The following FNDC3A variants were observed in gnomAD, a reference collection of about 807,000 sequenced individuals.
The protein encoded by FNDC3A is fibronectin type-III domain-containing protein 3A.
A neutral mutation model predicts 148.9 loss-of-function variants in FNDC3A; 32 were observed. The ratio of observed to expected loss-of-function variants is 0.21; its 90% CI spans 0.16 to 0.29. The LOEUF (loss-of-function observed/expected upper bound fraction) is 0.29. FNDC3A is among the 10% of genes least tolerant of loss of function. The pLI is 1.00. For missense variants in FNDC3A, 1,191 were observed against 1,452.8 expected, an observed-to-expected ratio of 0.82 and a Z score of 2.93; for synonymous variants, 472 against 473.6, an observed-to-expected ratio of 1.00 and a Z score of 0.04.
chr13:49,185,667 C>T lies in FNDC3A; in HGVS notation c.1618-297C>T, dbSNP rs1250053951. 2.0e-5 allele frequency among the ~76,000 whole-genome samples: 3 copies of T among 152,270 alleles called. No individual in the cohort carries two copies. The East Asian group carries it at 5.8e-4, about 29-fold the overall frequency. On this transcript the variant is annotated intron_variant, in intron 14 of 25. Coordinates refer to ENST00000492622, the MANE Select transcript of FNDC3A (RefSeq NM_001079673.2). ...GAAGAAACAAAGCAAGCCTAAAGCC[C>T]ATGAAGAATCACCAGATTATAGCTT...
chr13:49,008,176 A>G (rs1241572835), intron 2 of FNDC3A, among the ~76,000 whole-genome samples: 1 of 152,208 alleles, frequency 6.6e-6, no homozygotes, highest in East Asian at 1.9e-4. Flanking sequence ...TTCAATAAAT[A>G]GAGATAGTTA....
intron 2 of FNDC3A, among the ~76,000 whole-genome samples, chr13:49,009,722 C>T (rs114797148): frequency 0.019 from 2,846 of 152,272 alleles, 94 homozygotes; most frequent in African/African-American, 0.063. Flanking sequence ...TCTCTAGTGC[C>T]ACCATCTAAA....
chr13:49,149,036 T>G (rs1050388564), intron 8 of FNDC3A, among the ~76,000 whole-genome samples: 2 of 152,182 alleles, frequency 1.3e-5, no homozygotes, highest in African/African-American at 2.4e-5. Flanking sequence ...ATGATGCTGA[T>G]TTTTGTATTT....
chr13:49,185,159 GA>G (rs1241368466), intron 14 of FNDC3A, among the ~76,000 whole-genome samples: 1 of 152,008 alleles, frequency 6.6e-6, no homozygotes, highest in Admixed American at 6.6e-5. Flanking sequence ...CAGTAGAGGA[GA>G]AAATGTAACA....
intron 2 of FNDC3A, among the ~76,000 whole-genome samples, chr13:49,021,720 T>G (rs1163861340): frequency 1.3e-5 from 2 of 152,180 alleles, no homozygotes; most frequent in African/African-American, 4.8e-5. Context: ...TTTTGACGAT[T>G]TACGCCTGTG....
intron 2 of FNDC3A, among the ~76,000 whole-genome samples, chr13:49,074,368 A>G (rs904895662): frequency 2.0e-5 from 3 of 152,186 alleles, no homozygotes; most frequent in African/African-American, 7.2e-5. Flanking sequence ...GAGTTACTTC[A>G]TGAAGTAGTA....
intron 2 of FNDC3A, among the ~76,000 whole-genome samples, chr13:49,039,903 T>C (rs1874792456): frequency 6.6e-6 from 1 of 152,074 alleles, no homozygotes. Context: ...TGGTAAAGAC[T>C]AGGTTTCATC....
chr13:49,168,260 A>G (rs1477195127), intron 9 of FNDC3A, among the ~76,000 whole-genome samples: 1 of 152,206 alleles, frequency 6.6e-6, no homozygotes, highest in Non-Finnish European at 1.5e-5. Context: ...GTCACATTTA[A>G]TCATGAATTT....
chr13:49,012,348 C>T (rs1952366805), intron 2 of FNDC3A, among the ~76,000 whole-genome samples: 1 of 151,970 alleles, frequency 6.6e-6, no homozygotes, highest in Non-Finnish European at 1.5e-5. Context: ...CTCCTGACCT[C>T]GTGATCTGCC....
intron 2 of FNDC3A, among the ~76,000 whole-genome samples, chr13:49,027,032 A>G (rs553126735): frequency 1.4e-4 from 22 of 152,134 alleles, no homozygotes; most frequent in African/African-American, 5.1e-4. Flanking sequence ...TTTTTTAGAG[A>G]AAGAATGAGT....
At chr13:48,993,639 A>AAGTGTTTAGGGGTGAAGTATAC (rs1951963871) in intron 1 of FNDC3A, among the ~76,000 whole-genome samples, 1 of 152,154 alleles carries the variant, frequency 6.6e-6, no homozygotes, top group Non-Finnish European at 1.5e-5. Context: ...ACACATGCAA[A>AAGTGTTTAGGGGTGAAGTATAC]AGTGTTTAGG....
chr13:49,009,449 A>C (rs1024515319), intron 2 of FNDC3A, among the ~76,000 whole-genome samples: 3 of 152,236 alleles, frequency 2.0e-5, no homozygotes, highest in Non-Finnish European at 2.9e-5. Flanking sequence ...TTGAGTGTAC[A>C]TAAGTTTTAA....
chr13:49,196,080 CAAAAAAA>C (rs71076070), intron 19 of FNDC3A, among the ~76,000 whole-genome samples: 11,178 of 71,540 alleles, frequency 0.16, 637 homozygotes, highest in Admixed American at 0.29. Context: ...GACCTTGTCT[CAAAAAAA>C]AAAAAAAAAA....
At chr13:48,986,907 A>C (rs947288626) in intron 1 of FNDC3A, among the ~76,000 whole-genome samples, 20 of 151,150 alleles carry the variant, frequency 1.3e-4, no homozygotes, top group African/African-American at 4.6e-4. Context: ...TGGAGGAATT[A>C]GTGAAGGAAA....
intron 1 of FNDC3A, among the ~76,000 whole-genome samples, chr13:48,980,824 G>A (rs1193416678): frequency 6.6e-6 from 1 of 152,102 alleles, no homozygotes. Flanking sequence ...TACATCATGA[G>A]AGCATTTTTT....
chr13:49,171,290 A>G (rs1347813767), intron 10 of FNDC3A, among the ~76,000 whole-genome samples: 1 of 152,230 alleles, frequency 6.6e-6, no homozygotes, highest in Non-Finnish European at 1.5e-5. Context: ...AAAACTGGAT[A>G]GAGTCCAAAA....
chr13:48,997,495 G>T (rs1441801414), intron 1 of FNDC3A, among the ~76,000 whole-genome samples: 1 of 152,172 alleles, frequency 6.6e-6, no homozygotes, highest in Non-Finnish European at 1.5e-5. Flanking sequence ...AGTATGTGGA[G>T]CTGGGGCCTT....
At chr13:49,075,022 G>A (rs1369439720) in intron 2 of FNDC3A, among the ~76,000 whole-genome samples, 1 of 152,134 alleles carries the variant, frequency 6.6e-6, no homozygotes, top group Non-Finnish European at 1.5e-5. Context: ...CTCCATCTTT[G>A]TTTCAGAGTG....
At chr13:49,067,877 A>G (rs1341025714) in intron 2 of FNDC3A, among the ~76,000 whole-genome samples, 1 of 152,174 alleles carries the variant, frequency 6.6e-6, no homozygotes, top group Admixed American at 6.5e-5. Context: ...GTAACATCCT[A>G]CAGTAATTCA....
Sources: gnomAD v4.1 joint callset for allele counts (sites outside exome capture counted in the v4.1 genomes callset) on GRCh38, gnomAD v4.1.1 for gene constraint, MANE v1.5 for transcripts, NCBI Gene and HGNC (gene_info 2026-07-23, HGNC 2026-07-21) for gene names.